The following DCAF13 variants were observed in gnomAD, a reference collection of about 807,000 sequenced individuals.
DCAF13 encodes DDB1 and CUL4 associated factor 13, also known as DDB1- and CUL4-associated factor 13.
In DCAF13, 38 loss-of-function variants were observed where a neutral mutation model predicts 59.0. The ratio of observed to expected loss-of-function variants is 0.64; its 90% CI spans 0.50 to 0.84. DCAF13 has a LOEUF of 0.84. DCAF13 is among the 40% of genes least tolerant of loss of function. The probability of loss-of-function intolerance (pLI) is 0.00; values close to 1 mark genes in which losing one functional copy is unlikely to be tolerated. For missense variants in DCAF13, 469 were observed against 558.4 expected (o/e 0.84, Z 1.61); for synonymous variants, 173 against 175.0 (o/e 0.99, Z 0.09).
At chr8:103,431,338 G>T (rs970849018) in intron 6 of DCAF13, among the ~76,000 whole-genome samples, 2 of 152,134 alleles carry the variant, frequency 1.3e-5, no homozygotes, top group African/African-American at 4.8e-5. Flanking sequence ...TTTATTTCAG[G>T]TACTAGAATT....
At chr8:103,417,601 C>T (rs1324743686) in intron 1 of DCAF13, among the ~76,000 whole-genome samples, 1 of 143,704 alleles carries the variant, frequency 7.0e-6, no homozygotes, top group Non-Finnish European at 1.5e-5. Flanking sequence ...GAGATTGCGT[C>T]ACTGCACTCC....
chr8:103,443,036 C>A lies in DCAF13; in HGVS notation c.*154C>A. The stretch of plus-strand genomic sequence containing the variant: ...CCTTTTAGCTACCCTGAAAAATGAT[C>A]CTTAAAGGTGGCCTAGTTGGTAAGA... On this transcript the variant is annotated 3_prime_UTR_variant, in exon 11 of 11. Coordinates refer to ENST00000612750, the MANE Select transcript of DCAF13 (RefSeq NM_015420.7). 1 of 513,930 alleles carries A rather than the reference C, an allele frequency of 1.9e-6. No individual in the cohort carries two copies. The highest frequency in any genetic ancestry group is 3.4e-6 in the Non-Finnish European group (1 of 292,592). 31.8% of individuals were successfully genotyped at this position (513,930 alleles called of 1,614,324 possible).
chr8:103,427,094 A>G lies in DCAF13; in HGVS notation c.469-3A>G, dbSNP rs1452895278. On this transcript the variant is annotated splice_polypyrimidine_tract_variant and splice_region_variant and intron_variant, in intron 4 of 10. Coordinates refer to ENST00000612750, the MANE Select transcript of DCAF13 (RefSeq NM_015420.7). ...AATCCTCTTAACCTTTTTGCTTTTA[A>G]AGACAGTGTATACTGGGATTGATCA... The G allele has an allele frequency of 6.3e-7, 1 of 1,587,984 alleles. No homozygotes were observed.
rs550691298 is a variant in DCAF13, at chr8:103,424,106, C to T, written c.379-1950C>T. 3.9e-5 allele frequency among the ~76,000 whole-genome samples: 6 copies of T among 152,174 alleles called. No individual in the cohort carries two copies. The South Asian group carries it at 1.0e-3, about 26-fold the overall frequency. On this transcript the variant is annotated intron_variant, in intron 3 of 10. Coordinates refer to ENST00000612750, the MANE Select transcript of DCAF13 (RefSeq NM_015420.7). ...TGATCTCTGCTCACTGCAAGCTCTGCCTCCCGGGTTCACGCCATTCTCTTG... is the reference window on the plus strand; with the variant it reads ...TGATCTCTGCTCACTGCAAGCTCTGTCTCCCGGGTTCACGCCATTCTCTTG...
intron 1 of DCAF13, among the ~76,000 whole-genome samples, chr8:103,418,866 A>ATTTTT (rs1159489554): frequency 2.1e-4 from 8 of 38,430 alleles, no homozygotes; most frequent in South Asian, 8.0e-4. Flanking sequence ...ATATATATAT[A>ATTTTT]TTTTTTTTTT....
At chr8:103,430,358 C>T in intron 5 of DCAF13, 1 of 229,948 alleles carries the variant, frequency 4.3e-6, no homozygotes, top group Non-Finnish European at 8.5e-6. Context: ...CACCACTGCA[C>T]TCCAGCCTGG....
At chr8:103,438,830 A>C (rs1384603673) in intron 8 of DCAF13, among the ~76,000 whole-genome samples, 1 of 152,166 alleles carries the variant, frequency 6.6e-6, no homozygotes, top group Non-Finnish European at 1.5e-5. Context: ...TTTAATCCAG[A>C]TGCAGAAAAT....
At position 103,443,105 on chromosome 8, in the gene DCAF13, A is replaced by G; in HGVS notation, c.*223A>G. On this transcript the variant is annotated 3_prime_UTR_variant, in exon 11 of 11. Coordinates refer to ENST00000612750, the MANE Select transcript of DCAF13 (RefSeq NM_015420.7). ...GCATTCTTCTTTCATTGTAGAATAC[A>G]GTATTTGCAACTCATTTTTTCTTGT... 2 of 369,810 alleles carry G rather than the reference A, an allele frequency of 5.4e-6. No individual in the cohort carries two copies. The highest frequency in any genetic ancestry group is 7.8e-5 in the South Asian group (1 of 12,814). The allele number at this position is 369,810 out of a possible 1,614,324, so 22.9% of individuals were successfully genotyped here.
chr8:103,440,287 T>C lies in DCAF13; in HGVS notation c.1086+16T>C. ...ATTGGGTGTGGTAAGAGAATTCATT[T>C]TCTTTCATTGTCATAAAGCTGATTT... is the stretch of plus-strand genomic sequence containing the variant. On this transcript the variant is annotated intron_variant, in intron 9 of 10. Transcript: ENST00000612750. 1 of 1,553,422 alleles carries C rather than the reference T, an allele frequency of 6.4e-7. No homozygotes were observed. Among genetic ancestry groups the C allele is most frequent in the Non-Finnish European group, 8.7e-7 (1 of 1,155,742 alleles).
chr8:103,439,236 C>G (rs542151073), intron 8 of DCAF13, among the ~76,000 whole-genome samples: 1 of 152,080 alleles, frequency 6.6e-6, no homozygotes, highest in Non-Finnish European at 1.5e-5. Flanking sequence ...CGTGATCCAC[C>G]TACTGCAGCC....
intron 8 of DCAF13, 57 bp downstream of exon 8, chr8:103,435,847 A>G (rs1489027862): frequency 1.3e-6 from 2 of 1,549,906 alleles, no homozygotes; most frequent in Non-Finnish European, 1.8e-6. Flanking sequence ...ATGGGGATGC[A>G]TTCTGAGAAA....
chr8:103,417,247 A>C lies in DCAF13; in HGVS notation c.70+1731A>C, dbSNP rs559198818. Among the ~76,000 whole-genome samples the C allele has an allele frequency of 3.3e-5, 5 of 152,312 alleles. No individual in the cohort carries two copies. The East Asian group carries it at 9.6e-4, about 29-fold the overall frequency. On this transcript the variant is annotated intron_variant, in intron 1 of 10. Transcript: ENST00000612750. ...ACAGTGCGAAAGTGAGTACTGCTTG[A>C]ATTTTTTTTATAATAGTAGCCATTA...
intron 6 of DCAF13, 108 bp downstream of exon 6, chr8:103,430,797 C>A: frequency 1.3e-6 from 1 of 766,978 alleles, no homozygotes. Context: ...TTAAAAAAAT[C>A]TTTTATACAG....
In DCAF13 at chr8:103,420,474, A is replaced by G; in HGVS notation, c.270+11A>G. ...GCGTGTGATGGAGAGGCAAGTGTCA[A>G]TCTAGATGATATTTTCAACTAAAAG... is the stretch of plus-strand genomic sequence containing the variant. On this transcript the variant is annotated intron_variant, in intron 2 of 10. Coordinates refer to ENST00000612750, the MANE Select transcript of DCAF13 (RefSeq NM_015420.7). The G allele has an allele frequency of 6.2e-7, 1 of 1,608,922 alleles. No homozygotes were observed. The highest frequency in any genetic ancestry group is 8.5e-7 in the Non-Finnish European group (1 of 1,177,030).
At chr8:103,440,074 C>T (rs1302685068) in intron 8 of DCAF13, 62 bp from the exon 9 acceptor site, 2 of 1,280,496 alleles carry the variant, frequency 1.6e-6, no homozygotes, top group Non-Finnish European at 1.0e-6. Flanking sequence ...ACTTAATAGG[C>T]AGTGGTTACT....
chr8:103,416,821 AT>A (rs1816623798), intron 1 of DCAF13, among the ~76,000 whole-genome samples: 1 of 152,178 alleles, frequency 6.6e-6, no homozygotes, highest in African/African-American at 2.4e-5. Context: ...ATAAAGATTC[AT>A]TTTTGCCTAC....
intron 1 of DCAF13, among the ~76,000 whole-genome samples, chr8:103,417,791 A>G (rs1816642528): frequency 6.6e-6 from 1 of 152,094 alleles, no homozygotes; most frequent in African/African-American, 2.4e-5. Context: ...GGAAGTTTTA[A>G]GCATGGGAGT....
intron 6 of DCAF13, among the ~76,000 whole-genome samples, chr8:103,431,062 A>G (rs1195846480): frequency 1.3e-5 from 2 of 152,224 alleles, no homozygotes; most frequent in Non-Finnish European, 2.9e-5. Context: ...ATCGTATGAC[A>G]TGTACACTAT....
intron 2 of DCAF13, 117 bp downstream of exon 2, chr8:103,420,580 AC>A (rs1386725203): frequency 8.0e-6 from 9 of 1,119,338 alleles, no homozygotes; most frequent in Non-Finnish European, 1.0e-5. Context: ...ACTTCTCAAG[AC>A]TAAATTTCGT....
Sources: allele counts gnomAD v4.1 joint callset (sites outside exome capture counted in the v4.1 genomes callset), GRCh38; gene constraint gnomAD v4.1.1; transcripts MANE v1.5; gene names NCBI Gene and HGNC (gene_info 2026-07-23, HGNC 2026-07-21).